Variants in PACSIN2 observed in about 807,000 individuals in gnomAD.
The protein encoded by PACSIN2 is protein kinase C and casein kinase substrate in neurons 2.
A neutral mutation model predicts 63.8 loss-of-function variants in PACSIN2; 25 were observed. That is an observed-to-expected ratio of 0.39 (90% CI 0.29 to 0.55). The LOEUF is 0.55. Ranked by LOEUF, PACSIN2 falls within the 20% of genes least tolerant of loss-of-function variation. The pLI, the probability that PACSIN2 is intolerant of heterozygous loss-of-function variation, is 0.62. For missense variants in PACSIN2, 518 were observed against 646.9 expected (o/e 0.80, Z 2.16); for synonymous variants, 255 against 256.2 (o/e 1.00, Z 0.05).
At chr22:42,902,987 C>T (rs1186919923) in intron 2 of PACSIN2, among the ~76,000 whole-genome samples, 3 of 152,212 alleles carry the variant, frequency 2.0e-5, no homozygotes, top group African/African-American at 4.8e-5. Flanking sequence ...ACTCTTAGCA[C>T]GTCATCAGCC....
chr22:43,009,209 G>C (rs1010602547), intron 1 of PACSIN2, among the ~76,000 whole-genome samples: 11 of 152,140 alleles, frequency 7.2e-5, no homozygotes, highest in African/African-American at 2.7e-4. Context: ...GTCCCAGGAC[G>C]GCCTCTGGCT....
chr22:42,875,568 C>T (rs888847514), intron 10 of PACSIN2, among the ~76,000 whole-genome samples: 9 of 151,588 alleles, frequency 5.9e-5, no homozygotes, highest in Non-Finnish European at 1.0e-4. Flanking sequence ...CAAAGTCTTG[C>T]TCTGTCACCC....
At chr22:42,889,631 G>A (rs1019346077) in intron 4 of PACSIN2, among the ~76,000 whole-genome samples, 1 of 152,102 alleles carries the variant, frequency 6.6e-6, no homozygotes, top group Non-Finnish European at 1.5e-5. Flanking sequence ...TGAGGCGGAG[G>A]AAGGCAGCGC....
chr22:42,983,868 T>C (rs2146891229), intron 1 of PACSIN2, among the ~76,000 whole-genome samples: 1 of 152,214 alleles, frequency 6.6e-6, no homozygotes. Context: ...AGATACTTAA[T>C]GACCACTGAT....
intron 1 of PACSIN2, among the ~76,000 whole-genome samples, chr22:42,929,925 T>C (rs1254185048): frequency 1.3e-5 from 2 of 152,186 alleles, no homozygotes; most frequent in Non-Finnish European, 2.9e-5. Context: ...CCTGCCTGTG[T>C]TCCTCTCACA....
At chr22:42,936,129 T>C (rs1932909322) in intron 1 of PACSIN2, among the ~76,000 whole-genome samples, 1 of 149,478 alleles carries the variant, frequency 6.7e-6, no homozygotes, top group Admixed American at 6.7e-5. Context: ...GGCAGGAGAA[T>C]GGCGTGAACC....
Position 42,871,322 on chromosome 22 carries a change from C to T in PACSIN2, c.*35G>A, listed in dbSNP as rs542260106. 1.6e-5 allele frequency: 22 copies of T among 1,385,996 alleles called. No individual in the cohort carries two copies. Among genetic ancestry groups the T allele is most frequent in the Middle Eastern group, 3.6e-4 (2 of 5,620 alleles). 85.9% of individuals were successfully genotyped at this position (1,385,996 alleles called of 1,614,324 possible). On this transcript the variant is annotated 3_prime_UTR_variant, in exon 11 of 11. Transcript: ENST00000263246. This position sits in a 1 kb window ranked among gnomAD's most constrained non-coding sequence, Gnocchi z 5.4. ...GGCTGGCTGAGGCTCCTGGGCCCGC[C>T]GCCTCCGTCCCCCCGCTGGCCTGTC...
At chr22:43,009,699 C>T (rs1358605282) in intron 1 of PACSIN2, among the ~76,000 whole-genome samples, 1 of 152,100 alleles carries the variant, frequency 6.6e-6, no homozygotes, top group Admixed American at 6.6e-5. Context: ...ATCTCATATT[C>T]TTGGGAGGAA....
intron 1 of PACSIN2, 29 bp downstream of exon 1, chr22:43,014,992 G>A (rs150359932): frequency 0.088 from 13,273 of 150,896 alleles, 664 homozygotes; most frequent in Non-Finnish European, 0.11. Flanking sequence ...CAACCGTCGC[G>A]GCGACCCCTG....
At chr22:42,974,980 T>A (rs1009326461) in intron 1 of PACSIN2, among the ~76,000 whole-genome samples, 1 of 152,026 alleles carries the variant, frequency 6.6e-6, no homozygotes, top group Non-Finnish European at 1.5e-5. Flanking sequence ...GACCTTTGAG[T>A]AGACTGTGCC....
intron 1 of PACSIN2, among the ~76,000 whole-genome samples, chr22:42,941,594 G>A (rs1244180760): frequency 6.6e-6 from 1 of 152,206 alleles, no homozygotes; most frequent in African/African-American, 2.4e-5. Context: ...TAGTGGGTGG[G>A]AAGTGATATC....
intron 1 of PACSIN2, among the ~76,000 whole-genome samples, chr22:43,003,077 G>A (rs1000769436): frequency 9.2e-5 from 14 of 152,190 alleles, no homozygotes; most frequent in Non-Finnish European, 1.8e-4. Flanking sequence ...GTGTTGCCTT[G>A]AGGCAGGACA....
In PACSIN2 at chr22:42,879,073, G is replaced by C. The variant is rs752956842; in HGVS notation, c.1003C>G (p.Gln335Glu). The change falls in exon 8 of 11, where the codon CAG becomes GAG. Residue 335 changes from glutamine to glutamate, a missense_variant. Transcript: ENST00000263246. ...CTGCTGGGCTTACTCGGCAGAGACTGGTCGCCTGTCTGGTTGATGCCCGTC... is the reference window on the plus strand; with the variant it reads ...CTGCTGGGCTTACTCGGCAGAGACTCGTCGCCTGTCTGGTTGATGCCCGTC... ...TLTGINQTGD[Q>E]SLPSKPSSTL... The C allele has an allele frequency of 1.2e-6, 2 of 1,614,110 alleles. No homozygotes were observed. Among genetic ancestry groups the C allele is most frequent in the South Asian group, 2.2e-5 (2 of 91,092 alleles).
chr22:42,908,409 G>A (rs530012840), intron 2 of PACSIN2, among the ~76,000 whole-genome samples: 2 of 152,330 alleles, frequency 1.3e-5, no homozygotes, highest in East Asian at 3.9e-4. Context: ...CTGGTGACAC[G>A]TGAAAAGCCC....
At chr22:42,949,281 C>T (rs1029498198) in intron 1 of PACSIN2, among the ~76,000 whole-genome samples, 1 of 152,146 alleles carries the variant, frequency 6.6e-6, no homozygotes, top group African/African-American at 2.4e-5. Flanking sequence ...CAGTCTCCAG[C>T]CTTCCCAGCC....
In PACSIN2 at chr22:42,871,398, C is replaced by T; in HGVS notation, c.1420G>A (p.Val474Ile). 1.9e-6 allele frequency: 3 copies of T among 1,614,222 alleles called. No homozygotes were observed. The highest frequency in any genetic ancestry group is 2.5e-6 in the Non-Finnish European group (3 of 1,180,016). The change falls in exon 11 of 11, where the codon GTT becomes ATT. Residue 474 changes from valine to isoleucine, a missense_variant. Val to Ile is a conservative substitution (Grantham distance 29). Coordinates refer to ENST00000263246, the MANE Select transcript of PACSIN2 (RefSeq NM_001184970.3). The surrounding 1 kb of genome is among the most constrained non-coding windows in gnomAD (Gnocchi z 5.4). ...WCKGRLDNGQ[V>I]GLYPANYVEA... is the part of the protein sequence containing the mutation. ...ACATAATTTGCCGGGTATAGGCCAA[C>T]TTGCCCGTTGTCCAAGCGTCCCTTG...
intron 2 of PACSIN2, among the ~76,000 whole-genome samples, chr22:42,905,038 A>G (rs1429428662): frequency 3.9e-4 from 60 of 152,270 alleles, no homozygotes; most frequent in Non-Finnish European, 2.9e-5. Context: ...AGTTTTAAAA[A>G]GTTATTCTGA....
rs777187400 is a variant in PACSIN2, at chr22:42,884,489, G to T, written c.682C>A (p.Gln228Lys). The T allele has an allele frequency of 6.2e-7, 1 of 1,614,134 alleles. No individual in the cohort carries two copies. Among genetic ancestry groups the T allele is most frequent in the Non-Finnish European group, 8.5e-7 (1 of 1,179,952 alleles). Residue 228 changes from glutamine (Q) to lysine (K), a missense_variant, in exon 6 of 11, where the codon CAG becomes AAG. By Grantham distance (53) the Gln-to-Lys change is moderately conservative (BLOSUM62 1). This residue lies in a region of PACSIN2 where 507 missense variants were observed against 612.3 expected (regional missense o/e 0.83). Transcript: ENST00000263246. ...AACTGCTGGCACTGCTCAAACACCT[G>T]CTCCATGTTCTCCATGTACTGGGGT... ...GTPQYMENME[Q>K]VFEQCQQFEE... is the part of the protein sequence containing the mutation.
rs929948878 is a variant in PACSIN2, at chr22:42,870,329, C to T, written c.*1028G>A. On this transcript the variant is annotated 3_prime_UTR_variant, in exon 11 of 11. Coordinates refer to ENST00000263246, the MANE Select transcript of PACSIN2 (RefSeq NM_001184970.3). ...AGAGAGGCCCCAGGCCCACTGAGCC[C>T]GGGAGGAGACCCAGCCGGCCAGCCA... The T allele has an allele frequency of 6.6e-6, 1 of 152,140 alleles. No homozygotes were observed. The highest frequency in any genetic ancestry group is 2.4e-5 in the African/African-American group (1 of 41,420). 9.4% of individuals were successfully genotyped at this position (152,140 alleles called of 1,614,324 possible).
Sources: gnomAD v4.1 joint callset for allele counts (sites outside exome capture counted in the v4.1 genomes callset) on GRCh38, gnomAD v4.1.1 for gene constraint, gnomAD v4.1.1 regional missense constraint, Gnocchi (gnomAD v3.1) non-coding constraint, MANE v1.5 for transcripts, NCBI Gene and HGNC (gene_info 2026-07-23, HGNC 2026-07-21) for gene names.